QTMAN: variants seen among roughly 807,000 people sequenced by gnomAD.
QTMAN encodes the protein tRNA-queuosine alpha-mannosyltransferase.
chr2:144,051,751 C>T, the QTMAN span, among the ~76,000 whole-genome samples: 1,515 of 152,108 alleles, frequency 1.0e-2, 22 homozygotes, highest in African/African-American at 0.035. Context: ...GAAATGGCTG[C>T]AGATTTGGGA....
the QTMAN span, among the ~76,000 whole-genome samples, chr2:144,086,613 C>T: frequency 6.6e-6 from 1 of 152,142 alleles, no homozygotes; most frequent in Non-Finnish European, 1.5e-5. Context: ...TTTACCTTAC[C>T]ATACTGACTT....
chr2:144,130,225 TTAC>T, the QTMAN span, among the ~76,000 whole-genome samples: 1 of 151,888 alleles, frequency 6.6e-6, no homozygotes, highest in South Asian at 2.1e-4. Context: ...GATATAAACC[TTAC>T]AGAGGTAAGA....
At chr2:144,250,896 T>TA in the QTMAN span, among the ~76,000 whole-genome samples, 33 of 151,896 alleles carry the variant, frequency 2.2e-4, no homozygotes, top group South Asian at 2.1e-3. Context: ...TCTTTCTTAG[T>TA]AAAAAAAAGC....
the QTMAN span, among the ~76,000 whole-genome samples, chr2:143,988,534 A>G: frequency 6.6e-6 from 1 of 152,260 alleles, no homozygotes; most frequent in Non-Finnish European, 1.5e-5. Context: ...ATGAATCAGG[A>G]ACTGCTCTAA....
chr2:143,958,164 T>C, the QTMAN span, among the ~76,000 whole-genome samples: 1 of 152,144 alleles, frequency 6.6e-6, no homozygotes, highest in Admixed American at 6.6e-5. Flanking sequence ...GGGGCTCTAA[T>C]TGGCTTAGTT....
At chr2:144,247,528 T>C in the QTMAN span, among the ~76,000 whole-genome samples, 3 of 152,060 alleles carry the variant, frequency 2.0e-5, no homozygotes, top group African/African-American at 4.8e-5. Flanking sequence ...TGAAAAATCT[T>C]CAAAGACCAT....
chr2:144,146,363 T>A, the QTMAN span, among the ~76,000 whole-genome samples: 5 of 151,256 alleles, frequency 3.3e-5, no homozygotes, highest in African/African-American at 1.2e-4. Context: ...GCATCATCTG[T>A]AAAATCCCTT....
chr2:144,049,361 T>C, the QTMAN span, among the ~76,000 whole-genome samples: 2 of 152,166 alleles, frequency 1.3e-5, no homozygotes, highest in Non-Finnish European at 2.9e-5. Context: ...CCTGTCAATA[T>C]TGTGGCAAGC....
the QTMAN span, among the ~76,000 whole-genome samples, chr2:143,954,609 T>A: frequency 4.5e-4 from 68 of 152,054 alleles, no homozygotes; most frequent in Non-Finnish European, 9.4e-4. Flanking sequence ...ATATTTCTAA[T>A]TCATCAAGGA....
At chr2:144,028,196 T>C in the QTMAN span, among the ~76,000 whole-genome samples, 8 of 152,186 alleles carry the variant, frequency 5.3e-5, no homozygotes, top group Admixed American at 1.3e-4. Context: ...ATTACTGGCA[T>C]GATCCTTTCT....
the QTMAN span, among the ~76,000 whole-genome samples, chr2:144,034,629 A>T: frequency 3.3e-5 from 5 of 152,182 alleles, no homozygotes; most frequent in Admixed American, 3.3e-4. Flanking sequence ...TGAAAAAAAA[A>T]AATCTTAAGT....
the QTMAN span, among the ~76,000 whole-genome samples, chr2:144,189,328 T>C: frequency 6.6e-6 from 1 of 152,162 alleles, no homozygotes. Flanking sequence ...CCCAAGGCCC[T>C]CCTGCAGGGC....
At chr2:144,329,038 G>A in the QTMAN span, among the ~76,000 whole-genome samples, 6 of 151,948 alleles carry the variant, frequency 3.9e-5, no homozygotes, top group East Asian at 1.9e-4. Context: ...GCGGGCGATC[G>A]AGACCAGCTT....
the QTMAN span, chr2:144,142,192 G>T: frequency 1.9e-6 from 1 of 533,646 alleles, no homozygotes. Context: ...CTTCATATCA[G>T]TATCTACCAA....
the QTMAN span, among the ~76,000 whole-genome samples, chr2:144,307,973 C>T: frequency 3.3e-5 from 5 of 151,890 alleles, no homozygotes; most frequent in African/African-American, 1.2e-4. Flanking sequence ...ATGTACAAGC[C>T]GATTCTCTAA....
the QTMAN span, among the ~76,000 whole-genome samples, chr2:144,166,367 C>G: frequency 6.6e-6 from 1 of 152,212 alleles, no homozygotes; most frequent in Admixed American, 6.5e-5. Flanking sequence ...ATTACATATT[C>G]TCTTGGGTGT....
At chr2:144,293,696 G>A in the QTMAN span, among the ~76,000 whole-genome samples, 10 of 152,216 alleles carry the variant, frequency 6.6e-5, no homozygotes, top group African/African-American at 1.4e-4. Flanking sequence ...ACCTCTTAGC[G>A]TAATAACTAA....
At chr2:144,087,587 T>C in the QTMAN span, among the ~76,000 whole-genome samples, 1 of 151,844 alleles carries the variant, frequency 6.6e-6, no homozygotes, top group African/African-American at 2.4e-5. Flanking sequence ...GCAAACTGAA[T>C]CCAACAGCAC....
the QTMAN span, among the ~76,000 whole-genome samples, chr2:144,331,307 T>G: frequency 6.6e-6 from 1 of 152,164 alleles, no homozygotes; most frequent in Non-Finnish European, 1.5e-5. Flanking sequence ...TTAAACACGT[T>G]AATAGAAGCC....
Sources: allele counts gnomAD v4.1 joint callset (sites outside exome capture counted in the v4.1 genomes callset), GRCh38; gene constraint gnomAD v4.1.1; transcripts MANE v1.5; gene names NCBI Gene and HGNC (gene_info 2026-07-23, HGNC 2026-07-21).